Variants in SEC61B observed in about 807,000 individuals in gnomAD.
The protein encoded by SEC61B is SEC61 translocon subunit beta.
In SEC61B, 7 loss-of-function variants were observed where a neutral mutation model predicts 12.6. That is an observed-to-expected ratio of 0.55 (90% confidence interval 0.32 to 1.04). The LOEUF (loss-of-function observed/expected upper bound fraction) is 1.04, where lower values mean the gene tolerates loss of function less well. Among genes scored for constraint, SEC61B ranks in the 50% least tolerant of loss-of-function variants. The probability of loss-of-function intolerance (pLI) is 0.05; values close to 1 mark genes in which losing one functional copy is unlikely to be tolerated. For missense variants in SEC61B, 107 were observed against 130.1 expected (o/e 0.82, Z 0.86); for synonymous variants, 54 against 50.1 (o/e 1.08, Z -0.33).
intron 2 of SEC61B, chr9:99,223,316 A>G (rs1169036196): frequency 2.0e-5 from 3 of 148,106 alleles, no homozygotes; most frequent in Non-Finnish European, 4.5e-5. Flanking sequence ...TTGCTGAACT[A>G]AAAAAAACAA....
At position 99,222,302 on chromosome 9, in the gene SEC61B, T is replaced by A. The variant is rs1828830960; in HGVS notation, c.-62T>A. ...GAGTCAGTCTCGCCAGCTGCCGGTC[T>A]TTCGGGGGCTCCGTAACTTTCTATC... On this transcript the variant is annotated 5_prime_UTR_variant, in exon 1 of 4. Coordinates refer to ENST00000223641, the MANE Select transcript of SEC61B (RefSeq NM_006808.3). 2 of 1,613,846 alleles carry A rather than the reference T, an allele frequency of 1.2e-6. No homozygotes were observed. Among genetic ancestry groups the A allele is most frequent in the Non-Finnish European group, 1.7e-6 (2 of 1,179,812 alleles).
At chr9:99,229,006 T>C (rs1828930443) in intron 3 of SEC61B, among the ~76,000 whole-genome samples, 2 of 152,206 alleles carry the variant, frequency 1.3e-5, no homozygotes, top group South Asian at 4.1e-4. Flanking sequence ...ACCTTGACTT[T>C]AGTTTACAAA....
chr9:99,227,285 A>G (rs1028520598), intron 2 of SEC61B, among the ~76,000 whole-genome samples: 5 of 151,390 alleles, frequency 3.3e-5, no homozygotes, highest in African/African-American at 1.2e-4. Context: ...AAAAAAAAAA[A>G]AAAAAACAAA....
intron 2 of SEC61B, among the ~76,000 whole-genome samples, chr9:99,225,758 C>T (rs1828886501): frequency 6.6e-6 from 1 of 152,160 alleles, no homozygotes; most frequent in African/African-American, 2.4e-5. Flanking sequence ...CATGCGCCAG[C>T]AGAAATAAGA....
At chr9:99,229,448 A>G (rs148944470) in intron 3 of SEC61B, among the ~76,000 whole-genome samples, 91 of 152,252 alleles carry the variant, frequency 6.0e-4, no homozygotes, top group African/African-American at 2.1e-3. Flanking sequence ...CCAGGAGACA[A>G]AATTGGATAA....
At chr9:99,224,854 G>A (rs1314199764) in intron 2 of SEC61B, among the ~76,000 whole-genome samples, 3 of 152,192 alleles carry the variant, frequency 2.0e-5, no homozygotes, top group Admixed American at 1.3e-4. Context: ...TCATAATAGT[G>A]CTTTGGATTA....
At chr9:99,226,956 G>T (rs1417889252) in intron 2 of SEC61B, among the ~76,000 whole-genome samples, 3 of 151,982 alleles carry the variant, frequency 2.0e-5, no homozygotes, top group Non-Finnish European at 4.4e-5. Context: ...TGCAAGATCT[G>T]TGATCACTAT....
At position 99,222,289 on chromosome 9, in the gene SEC61B, C is replaced by T; in HGVS notation, c.-75C>T. 6.2e-7 allele frequency: 1 copy of T among 1,610,852 alleles called. No individual in the cohort carries two copies. The highest frequency in any genetic ancestry group is 8.5e-7 in the Non-Finnish European group (1 of 1,177,224). On this transcript the variant is annotated 5_prime_UTR_variant, in exon 1 of 4. Transcript: ENST00000223641. ...GGGGGCGGGGCCTGAGTCAGTCTCG[C>T]CAGCTGCCGGTCTTTCGGGGGCTCC... is the stretch of plus-strand genomic sequence containing the variant.
Position 99,230,376 on chromosome 9 carries a change from C to T in SEC61B, c.243C>T (p.Ile81=), listed in dbSNP as rs933086863. ...VPVLVMSLLF[I]ASVFMLHIWG... ...TATTGGTTATGAGTCTTCTGTTCAT[C>T]GCTTCTGTATTTATGTTGCACATTT... Residue 81 remains isoleucine, a synonymous_variant, in exon 4 of 4, where the codon ATC becomes ATT. Coordinates refer to ENST00000223641, the MANE Select transcript of SEC61B (RefSeq NM_006808.3). The T allele has an allele frequency of 3.1e-6, 5 of 1,611,126 alleles. No homozygotes were observed. The highest frequency in any genetic ancestry group is 1.1e-5 in the South Asian group (1 of 90,766).
chr9:99,229,344 C>T (rs892022598), intron 3 of SEC61B, among the ~76,000 whole-genome samples: 4 of 151,900 alleles, frequency 2.6e-5, no homozygotes, highest in Admixed American at 2.0e-4. Flanking sequence ...TCTCCTTTAG[C>T]GACAGGGTTT....
In SEC61B at chr9:99,223,332, C is replaced by CAA. The variant is rs530132509; in HGVS notation, c.101+700_101+701dup. The stretch of plus-strand genomic sequence containing the variant: ...TGCTGAACTAAAAAAAACAAACAAA[C>CAA]AAAAAAAAAAAACCGGGGGGATACC... On this transcript the variant is annotated intron_variant, in intron 2 of 3. Transcript: ENST00000223641. 3.9e-3 allele frequency among the ~76,000 whole-genome samples: 501 copies of CAA among 128,998 alleles called. 5 individuals are homozygous for CAA. The East Asian group carries it at 0.039, about 10-fold the overall frequency. 84.6% of individuals were successfully genotyped at this position (128,998 alleles called of 152,430 possible). A position where few individuals can be genotyped will look rare whatever the true frequency, so the allele number is the denominator to read the frequency against.
chr9:99,224,835 G>A (rs1828877073), intron 2 of SEC61B, among the ~76,000 whole-genome samples: 1 of 152,208 alleles, frequency 6.6e-6, no homozygotes, highest in Non-Finnish European at 1.5e-5. Context: ...AACATTGGAA[G>A]TTAATGATTC....
At chr9:99,225,862 G>A (rs773097793) in intron 2 of SEC61B, among the ~76,000 whole-genome samples, 3 of 152,206 alleles carry the variant, frequency 2.0e-5, no homozygotes, top group Non-Finnish European at 2.9e-5. Flanking sequence ...TGTGGAAATA[G>A]TAGGAAGTGC....
chr9:99,226,573 C>A (rs1181540054), intron 2 of SEC61B, among the ~76,000 whole-genome samples: 2 of 152,202 alleles, frequency 1.3e-5, no homozygotes, highest in Non-Finnish European at 2.9e-5. Context: ...CTCCTCCCCA[C>A]TAGGACTTCT....
chr9:99,225,076 CAG>C (rs1828879306), intron 2 of SEC61B, among the ~76,000 whole-genome samples: 1 of 152,142 alleles, frequency 6.6e-6, no homozygotes, highest in Non-Finnish European at 1.5e-5. Context: ...TAATGGGAAT[CAG>C]GGATATTAAG....
chr9:99,224,838 A>G (rs146605282), intron 2 of SEC61B, among the ~76,000 whole-genome samples: 32 of 152,224 alleles, frequency 2.1e-4, no homozygotes, highest in African/African-American at 7.7e-4. Flanking sequence ...ATTGGAAGTT[A>G]ATGATTCATA....
intron 2 of SEC61B, among the ~76,000 whole-genome samples, chr9:99,224,296 T>G (rs2119016179): frequency 6.6e-6 from 1 of 152,332 alleles, no homozygotes; most frequent in Non-Finnish European, 1.5e-5. Flanking sequence ...CATTGGGATG[T>G]TCATGAGGAG....
At chr9:99,224,201 A>T (rs111829008) in intron 2 of SEC61B, among the ~76,000 whole-genome samples, 36 of 152,380 alleles carry the variant, frequency 2.4e-4, no homozygotes, top group African/African-American at 7.5e-4. Flanking sequence ...TTGAACTTAC[A>T]TGAAATATTT....
chr9:99,223,426 C>T (rs1828859956), intron 2 of SEC61B, among the ~76,000 whole-genome samples: 2 of 150,372 alleles, frequency 1.3e-5, no homozygotes, highest in Non-Finnish European at 3.0e-5. Flanking sequence ...TGGAATCTCA[C>T]TCTGTCGCCC....
Sources: gnomAD v4.1 joint callset for allele counts (sites outside exome capture counted in the v4.1 genomes callset) on GRCh38, gnomAD v4.1.1 for gene constraint, MANE v1.5 for transcripts, NCBI Gene and HGNC (gene_info 2026-07-23, HGNC 2026-07-21) for gene names.